Variants in TBCD observed in about 807,000 individuals in gnomAD.
TBCD encodes the protein tubulin-specific chaperone D.
Under a neutral mutation model 169.3 loss-of-function variants are expected in TBCD, and 105 were observed. The ratio of observed to expected loss-of-function variants is 0.62; its 90% CI spans 0.53 to 0.73. The LOEUF is 0.73. Ranked by LOEUF, TBCD falls within the 30% of genes least tolerant of loss-of-function variation. The pLI is 0.00. For synonymous variants in TBCD, 700 were observed against 643.9 expected (o/e 1.09, Z -1.32); for missense variants, 1,444 against 1,600.1 (o/e 0.90, Z 1.66).
At chr17:82,759,060 G>A (rs1009371655) in intron 2 of TBCD, among the ~76,000 whole-genome samples, 8 of 152,140 alleles carry the variant, frequency 5.3e-5, no homozygotes, top group Non-Finnish European at 8.8e-5. Context: ...TGTCACCCAG[G>A]CTGGAGTGTA....
chr17:82,827,011 T>C (rs1005144618), intron 13 of TBCD, among the ~76,000 whole-genome samples: 2 of 152,198 alleles, frequency 1.3e-5, no homozygotes, highest in African/African-American at 4.8e-5. Flanking sequence ...CCTCAAGCAA[T>C]CCATCCGCTT....
At chr17:82,757,703 G>T (rs1038652796) in intron 2 of TBCD, among the ~76,000 whole-genome samples, 6 of 152,076 alleles carry the variant, frequency 3.9e-5, no homozygotes, top group Non-Finnish European at 5.9e-5. Flanking sequence ...TTCTGTCCTA[G>T]AAAAATTTAT....
At chr17:82,788,286 TG>T (rs1164574032) in intron 7 of TBCD, among the ~76,000 whole-genome samples, 3 of 152,170 alleles carry the variant, frequency 2.0e-5, no homozygotes, top group Non-Finnish European at 4.4e-5. Context: ...TGTGTGACTC[TG>T]CTTGCTGATT....
At chr17:82,942,333 T>G in intron 38 of TBCD, 116 bp from the exon 39 acceptor site, 1 of 1,480,350 alleles carries the variant, frequency 6.8e-7, no homozygotes. Context: ...GCACAAATGG[T>G]TTCCTGCAGG....
chr17:82,900,002 A>C (rs545973115), intron 17 of TBCD, among the ~76,000 whole-genome samples: 2 of 151,876 alleles, frequency 1.3e-5, no homozygotes, highest in Non-Finnish European at 2.9e-5. Context: ...TTGCCTTTTG[A>C]TTTTCTTAAA....
In TBCD at chr17:82,880,843, A is replaced by G. The variant is rs1226129715; in HGVS notation, c.1476-3302A>G. On this transcript the variant is annotated intron_variant, in intron 14 of 38. Transcript: ENST00000355528. This position sits in a 1 kb window ranked among gnomAD's most constrained non-coding sequence, Gnocchi z 5.0. ...TGTTGTTGCCGTCTCCCCAGGGTGCAGAGCGTGGTGGTTTGTGGCCATCCT... is the reference window on the plus strand; with the variant it reads ...TGTTGTTGCCGTCTCCCCAGGGTGCGGAGCGTGGTGGTTTGTGGCCATCCT... Among the ~76,000 whole-genome samples the G allele has an allele frequency of 6.6e-6, 1 of 152,216 alleles. No individual in the cohort carries two copies. Among genetic ancestry groups the G allele is most frequent in the Non-Finnish European group, 1.5e-5 (1 of 68,020 alleles).
In TBCD at chr17:82,930,390, G is replaced by GAA; in HGVS notation, c.2992-132_2992-131insAA. 1 of 1,361,494 alleles carries GAA rather than the reference G, an allele frequency of 7.3e-7. No homozygotes were observed. The highest frequency in any genetic ancestry group is 2.5e-5 in the East Asian group (1 of 39,642). The allele number at this position is 1,361,494 out of a possible 1,614,324, so 84.3% of individuals were successfully genotyped here. On this transcript the variant is annotated intron_variant, in intron 32 of 38. Transcript: ENST00000355528. This position sits in a 1 kb window ranked among gnomAD's most constrained non-coding sequence, Gnocchi z 5.2. ...TGCTGGCGTCCGCACCAGCCGCTTGGGGCCAGACCTTCGCGTCTCTGCAGC... is the reference window on the plus strand; with the variant it reads ...TGCTGGCGTCCGCACCAGCCGCTTGGAAGGCCAGACCTTCGCGTCTCTGCAGC...
At chr17:82,901,887 A>G (rs7210153) in intron 18 of TBCD, among the ~76,000 whole-genome samples, 152,263 of 152,344 alleles carry the variant, frequency 1, 76,091 homozygotes, top group Middle Eastern at 1. Flanking sequence ...AACCGAACCT[A>G]GGGAAAATTA....
intron 18 of TBCD, 35 bp downstream of exon 18, chr17:82,900,766 T>C (rs1481185669): frequency 1.3e-6 from 2 of 1,513,770 alleles, no homozygotes; most frequent in Non-Finnish European, 1.8e-6. Flanking sequence ...TAAGAGCTTT[T>C]TTTCCCCCCA....
At chr17:82,879,550 TC>T (rs2058213608) in intron 14 of TBCD, among the ~76,000 whole-genome samples, 1 of 152,180 alleles carries the variant, frequency 6.6e-6, no homozygotes. Flanking sequence ...GTGCTGCTGG[TC>T]TGGGATGCAG....
intron 15 of TBCD, among the ~76,000 whole-genome samples, chr17:82,887,162 T>TGC (rs1443314838): frequency 1.7e-4 from 18 of 107,220 alleles, no homozygotes; most frequent in African/African-American, 6.1e-4. Context: ...TGTGTGTGTG[T>TGC]GTGTGTGCGC....
At position 82,927,342 on chromosome 17, in the gene TBCD, G is replaced by A. The variant is rs371685362; in HGVS notation, c.2609+19G>A. ...GCACCTGGTACGTACGTAGCAGTGG[G>A]TGAGCGCTTCTTCTGAGAAGCCCAT... On this transcript the variant is annotated intron_variant, in intron 29 of 38. Coordinates refer to ENST00000355528, the MANE Select transcript of TBCD (RefSeq NM_005993.5). The A allele has an allele frequency of 6.7e-5, 108 of 1,610,102 alleles. No homozygotes were observed. The highest frequency in any genetic ancestry group is 8.7e-5 in the Non-Finnish European group (103 of 1,178,130).
At chr17:82,891,127 G>A (rs55794221) in intron 16 of TBCD, among the ~76,000 whole-genome samples, 40,200 of 152,160 alleles carry the variant, frequency 0.26, 6,029 homozygotes, top group Admixed American at 0.34. Context: ...CCCAGATGCT[G>A]CTTCCTGGGA....
chr17:82,903,575 G>A lies in TBCD; in HGVS notation c.1804+97G>A. 7.9e-7 allele frequency: 1 copy of A among 1,269,826 alleles called. No individual in the cohort carries two copies. Among genetic ancestry groups the A allele is most frequent in the Non-Finnish European group, 1.1e-6 (1 of 906,170 alleles). 78.7% of individuals were successfully genotyped at this position (1,269,826 alleles called of 1,614,324 possible). On this transcript the variant is annotated intron_variant, in intron 19 of 38. Transcript: ENST00000355528. The surrounding 1 kb of genome is among the most constrained non-coding windows in gnomAD (Gnocchi z 4.8). ...AAGGCTGGGGGCTGAAAATAAGGTT[G>A]TGCTTCTGTCTTGGTGAGAAGCATC... is the stretch of plus-strand genomic sequence containing the variant.
In TBCD at chr17:82,752,221, G is replaced by T. The variant is rs11550062; in HGVS notation, c.28G>T (p.Gly10Cys). The part of the protein sequence containing the change: MALSDEPAA[G>C]GPEEEAEDET... ...GGCCCTGAGCGACGAACCGGCCGCG[G>T]GCGGCCCCGAGGAGGAGGCGGAGGA... Residue 10 changes from glycine to cysteine, a missense_variant, in exon 1 of 39, where the codon GGC becomes TGC. Transcript: ENST00000355528. 196,771 of 1,524,528 alleles carry T rather than the reference G, an allele frequency of 0.13. 14,468 individuals are homozygous for T. Among genetic ancestry groups the T allele is most frequent in the South Asian group, 0.27 (22,567 of 82,274 alleles). 94.4% of individuals were successfully genotyped at this position (1,524,528 alleles called of 1,614,324 possible).
chr17:82,753,581 C>T (rs915327795), intron 1 of TBCD, among the ~76,000 whole-genome samples: 4 of 151,410 alleles, frequency 2.6e-5, no homozygotes, highest in East Asian at 3.9e-4. Flanking sequence ...CTTAGCCTCC[C>T]GAGTAGCTGG....
intron 38 of TBCD, chr17:82,942,176 G>A (rs1326173370): frequency 1.8e-6 from 1 of 551,314 alleles, no homozygotes; most frequent in African/African-American, 1.9e-5. Context: ...ATTTTTATTA[G>A]GAAAAATTTC....
At chr17:82,934,647 T>C (rs2062467699) in intron 34 of TBCD, among the ~76,000 whole-genome samples, 1 of 152,020 alleles carries the variant, frequency 6.6e-6, no homozygotes, top group African/African-American at 2.4e-5. Flanking sequence ...TAATTTTGTA[T>C]TTTTAGTAGA....
At chr17:82,896,372 A>ACAT (rs2059477993) in intron 17 of TBCD, among the ~76,000 whole-genome samples, 1 of 151,770 alleles carries the variant, frequency 6.6e-6, no homozygotes, top group African/African-American at 2.4e-5. Context: ...GCTGCGGTGA[A>ACAT]CATGTGTGTA....
Sources: allele counts gnomAD v4.1 joint callset (sites outside exome capture counted in the v4.1 genomes callset), GRCh38; gene constraint gnomAD v4.1.1; non-coding constraint Gnocchi (gnomAD v3.1); transcripts MANE v1.5; gene names NCBI Gene and HGNC (gene_info 2026-07-23, HGNC 2026-07-21).